Variants in CAPN14 observed in about 807,000 individuals in gnomAD.
The protein encoded by CAPN14 is calpain 14.
In CAPN14, 94 loss-of-function variants were observed where a neutral mutation model predicts 101.3. The ratio of observed to expected loss-of-function variants is 0.93; its 90% CI spans 0.79 to 1.10. The LOEUF is 1.10. CAPN14 is among the 50% of genes least tolerant of loss of function. The pLI, the probability that CAPN14 is intolerant of heterozygous loss-of-function variation, is 0.00. For synonymous variants in CAPN14, 338 were observed against 317.9 expected (o/e 1.06, Z -0.67); for missense variants, 837 against 828.4 (o/e 1.01, Z -0.13).
intron 2 of CAPN14, 21 bp downstream of exon 2, chr2:31,205,202 G>C: frequency 1.3e-6 from 2 of 1,546,094 alleles, no homozygotes; most frequent in Non-Finnish European, 1.7e-6. Flanking sequence ...GGAGGGTCTG[G>C]GCTGACACAT....
intron 16 of CAPN14, among the ~76,000 whole-genome samples, chr2:31,184,174 C>A (rs770652272): frequency 6.6e-6 from 1 of 152,286 alleles, no homozygotes; most frequent in Non-Finnish European, 1.5e-5. Context: ...TGAGCCACCG[C>A]GCCCGGCCCT....
In CAPN14 at chr2:31,191,393, A is replaced by G; in HGVS notation, c.1287+6T>C. ...CTAGGGCCACCCGGTCAAGTGCAGA[A>G]CTCACCTTGTTCATCTAAAAAACAA... On this transcript the variant is annotated splice_donor_region_variant and intron_variant, in intron 12 of 21. Coordinates refer to ENST00000403897, the MANE Select transcript of CAPN14 (RefSeq NM_001145122.2). 1 of 1,544,542 alleles carries G rather than the reference A, an allele frequency of 6.5e-7. No homozygotes were observed. The highest frequency in any genetic ancestry group is 8.7e-7 in the Non-Finnish European group (1 of 1,145,486).
At chr2:31,196,272 A>G (rs1176390961) in intron 8 of CAPN14, among the ~76,000 whole-genome samples, 1 of 152,242 alleles carries the variant, frequency 6.6e-6, no homozygotes, top group African/African-American at 2.4e-5. Flanking sequence ...GAAAGTAACA[A>G]CACTGTAATT....
Position 31,230,652 on chromosome 2 carries a change from A to G in CAPN14, c.-177+3139T>C, listed in dbSNP as rs1332922936. On this transcript the variant is annotated intron_variant and NMD_transcript_variant, in intron 1 of 21. Coordinates refer to the CAPN14 transcript ENST00000398824. The surrounding 1 kb of genome is among the most constrained non-coding windows in gnomAD (Gnocchi z 4.3). Reference sequence around the variant, plus strand: ...AGGGCATTCATGTAGCCTCTTGTAAAAGACATTTTTGTAGCTCTTGCCAAG... The same window carrying G: ...AGGGCATTCATGTAGCCTCTTGTAAGAGACATTTTTGTAGCTCTTGCCAAG... Among the ~76,000 whole-genome samples, 1 of 152,176 alleles carries G rather than the reference A, an allele frequency of 6.6e-6. No homozygotes were observed. The highest frequency in any genetic ancestry group is 1.9e-4 in the East Asian group (1 of 5,184).
intron 11 of CAPN14, 75 bp downstream of exon 11, chr2:31,191,860 A>G (rs1162066366): frequency 1.2e-5 from 16 of 1,351,822 alleles, no homozygotes; most frequent in Non-Finnish European, 1.6e-5. Context: ...AGAAGACAGG[A>G]AACAGGAAGA....
Position 31,205,286 on chromosome 2 carries a change from G to T in CAPN14, c.162C>A (p.Ser54Arg). ...FEDTSFPATL[S>R]SIGSGSLLQK... ...GCAGCAGGGAGCCACTGCCGATGGAGCTCAGGGTGGCCGGGAAGCTGGTGT... is the reference window on the plus strand; with the variant it reads ...GCAGCAGGGAGCCACTGCCGATGGATCTCAGGGTGGCCGGGAAGCTGGTGT... The change falls in exon 2 of 22, where the codon AGC (serine) becomes AGA (arginine). Residue 54 changes from serine (S) to arginine (R), a missense_variant. Transcript: ENST00000403897. 2 of 1,550,352 alleles carry T rather than the reference G, an allele frequency of 1.3e-6. No homozygotes were observed. The highest frequency in any genetic ancestry group is 1.2e-5 in the South Asian group (1 of 83,994).
chr2:31,200,073 G>A (rs960991869), intron 6 of CAPN14, among the ~76,000 whole-genome samples: 3 of 151,496 alleles, frequency 2.0e-5, no homozygotes, highest in Admixed American at 6.6e-5. Context: ...GTGAGATCTC[G>A]GGTTACTGCA....
At chr2:31,202,294 G>A in intron 3 of CAPN14, 42 bp from the exon 4 acceptor site, 1 of 1,456,378 alleles carries the variant, frequency 6.9e-7, no homozygotes, top group African/African-American at 1.4e-5. Flanking sequence ...ATCTACTGGG[G>A]ACTTTATGAC....
upstream of CAPN14, among the ~76,000 whole-genome samples, chr2:31,219,370 C>T (rs1386293735): frequency 6.6e-6 from 1 of 152,192 alleles, no homozygotes; most frequent in African/African-American, 2.4e-5. Context: ...CGACTGTCAC[C>T]CAGGACAGAC....
At position 31,201,961 on chromosome 2, in the gene CAPN14, T is replaced by A. The variant is rs772347710; in HGVS notation, c.452A>T (p.Asp151Val). The change falls in exon 5 of 22, where the codon GAT becomes GTT. Residue 151 changes from aspartate to valine, a missense_variant. Asp to Val is a radical substitution (Grantham distance 152, BLOSUM62 -3). Transcript: ENST00000403897. Reference sequence around the variant, plus strand: ...AGCCTCATTCACAGGCAGACGGTCATCGATCACCACAGGAACCCAGTTCCC... The same window carrying A: ...AGCCTCATTCACAGGCAGACGGTCAACGATCACCACAGGAACCCAGTTCCC... ...HYGNWVPVVIDDRLPVNEAGQ... is the reference protein window; with the variant it reads ...HYGNWVPVVIVDRLPVNEAGQ... 27 of 1,551,582 alleles carry A rather than the reference T, an allele frequency of 1.7e-5. No individual in the cohort carries two copies. Among genetic ancestry groups the A allele is most frequent in the Non-Finnish European group, 2.3e-5 (26 of 1,146,998 alleles).
intron 16 of CAPN14, among the ~76,000 whole-genome samples, chr2:31,181,919 T>C (rs1249786587): frequency 1.3e-5 from 2 of 151,698 alleles, no homozygotes; most frequent in African/African-American, 4.9e-5. Context: ...ATCCAGTCTA[T>C]CATTGTTGGA....
chr2:31,186,680 T>G (rs937622191), intron 15 of CAPN14, among the ~76,000 whole-genome samples, 195 bp from the exon 16 acceptor site: 5 of 152,196 alleles, frequency 3.3e-5, no homozygotes, highest in Admixed American at 1.3e-4. Flanking sequence ...GAAGGTGCTA[T>G]CCAGGTGCTG....
chr2:31,224,142 A>G (rs532230499), intron 2 of CAPN14, among the ~76,000 whole-genome samples: 6 of 152,252 alleles, frequency 3.9e-5, no homozygotes, highest in Admixed American at 2.0e-4. Flanking sequence ...GTGCTTTAGT[A>G]TTCTTGTGGC....
chr2:31,185,595 G>T (rs34464465), intron 16 of CAPN14, among the ~76,000 whole-genome samples: 40 of 152,208 alleles, frequency 2.6e-4, no homozygotes, highest in African/African-American at 9.1e-4. Flanking sequence ...TTTTTCAGCC[G>T]GGAAGGGGAG....
Position 31,197,937 on chromosome 2 carries a change from C to T in CAPN14, c.790-603G>A, listed in dbSNP as rs117084547. Among the ~76,000 whole-genome samples the T allele has an allele frequency of 2.1e-3, 317 of 152,282 alleles. 12 individuals are homozygous for T. In the East Asian group the frequency reaches 0.054, roughly 26 times the overall value. ...ACCTTGATTTCAGACTTCAGGCCTT[C>T]GGAACTGAGAAAATTAATTTCTGTT... On this transcript the variant is annotated intron_variant, in intron 7 of 21. Transcript: ENST00000403897.
chr2:31,189,195 G>T, intron 13 of CAPN14, 78 bp downstream of exon 13: 1 of 1,299,176 alleles, frequency 7.7e-7, no homozygotes, highest in Non-Finnish European at 1.1e-6. Flanking sequence ...CCTGGTTTCT[G>T]CCATTTCCAA....
intron 2 of CAPN14, 58 bp from the exon 3 acceptor site, chr2:31,203,197 A>G (rs1431642135): frequency 7.1e-7 from 1 of 1,409,110 alleles, no homozygotes; most frequent in African/African-American, 1.4e-5. Flanking sequence ...TCCTGGAGCT[A>G]CAGTGACCAC....
chr2:31,203,581 G>A (rs962271576), intron 2 of CAPN14, among the ~76,000 whole-genome samples: 3 of 152,238 alleles, frequency 2.0e-5, no homozygotes, highest in Non-Finnish European at 4.4e-5. Flanking sequence ...TGGTAGGGGG[G>A]TTGTCTCTGC....
chr2:31,205,223 CG>C lies in CAPN14; in HGVS notation c.224del (p.Pro75ArgfsTer23), dbSNP rs774172704. On this transcript the variant is annotated frameshift_variant and splice_region_variant, in exon 2 of 22. Coordinates refer to ENST00000403897, the MANE Select transcript of CAPN14 (RefSeq NM_001145122.2). LOFTEE classifies it high-confidence loss of function. Reference sequence around the variant, plus strand: ...TCTGGGCTGACACATTTTGCCTCACCGGGGGCCTCTTCCACTGCAGGCGGGG... The same window carrying C: ...TCTGGGCTGACACATTTTGCCTCACCGGGGCCTCTTCCACTGCAGGCGGGG... ...LPPRLQWKRP[P>X]ELHSNPQFYF... is the part of the protein sequence containing the mutation. 2.2e-5 allele frequency: 34 copies of C among 1,549,372 alleles called. No individual in the cohort carries two copies. The highest frequency in any genetic ancestry group is 3.5e-6 in the Non-Finnish European group (4 of 1,146,836).
Sources: gnomAD v4.1 joint callset for allele counts (sites outside exome capture counted in the v4.1 genomes callset) on GRCh38, gnomAD v4.1.1 for gene constraint, Gnocchi (gnomAD v3.1) non-coding constraint, MANE v1.5 for transcripts, NCBI Gene and HGNC (gene_info 2026-07-23, HGNC 2026-07-21) for gene names.